Variants in INO80 observed in about 807,000 individuals in gnomAD.
INO80 encodes the protein chromatin-remodeling ATPase INO80.
INO80 carries 20 observed loss-of-function variants against 203.4 expected under a neutral mutation model. That is an observed-to-expected ratio of 0.10 (90% CI 0.07 to 0.14). INO80 has a LOEUF of 0.14. Among genes scored for constraint, INO80 ranks in the 10% least tolerant of loss-of-function variants. The probability of loss-of-function intolerance (pLI) is 1.00; values close to 1 mark genes in which losing one functional copy is unlikely to be tolerated. For synonymous variants in INO80, 726 were observed against 685.2 expected, an observed-to-expected ratio of 1.06 and a Z score of -0.93; for missense variants, 1,419 against 1,914.4, an observed-to-expected ratio of 0.74 and a Z score of 4.83.
rs139037556 is a variant in INO80, at chr15:41,080,309, T to G, written c.928-405A>C. On this transcript the variant is annotated intron_variant, in intron 8 of 35. Transcript: ENST00000648947. The stretch of plus-strand genomic sequence containing the variant: ...GAAATTGGCATTACCATCACCCTCA[T>G]TTATAAATGAGGAAACACAGTTGAA... Among the ~76,000 whole-genome samples, 64 of 152,308 alleles carry G rather than the reference T, an allele frequency of 4.2e-4. No individual in the cohort carries two copies. The East Asian group carries it at 0.011, about 27-fold the overall frequency.
In INO80 at chr15:41,064,898, G is replaced by A. The variant is rs138223751; in HGVS notation, c.1782+4672C>T. Among the ~76,000 whole-genome samples, 236 of 152,226 alleles carry A rather than the reference G, an allele frequency of 1.6e-3. 1 individual carries two copies. The highest frequency in any genetic ancestry group is 3.1e-3 in the Non-Finnish European group (210 of 68,020). ...TGTAGTCCCAGTTACACGGGAGCTT[G>A]AGGCAGAAGAACTGCTTGAACCCGG... On this transcript the variant is annotated intron_variant, in intron 14 of 35. Transcript: ENST00000648947.
At chr15:41,061,450 C>CAAAAAAAAAAA (rs980593225) in intron 14 of INO80, among the ~76,000 whole-genome samples, 52 of 66,756 alleles carry the variant, frequency 7.8e-4, no homozygotes, top group African/African-American at 1.1e-3. Context: ...ACCAAAAATA[C>CAAAAAAAAAAA]AAAAAAAAAA....
chr15:41,062,372 C>A (rs866928321), intron 14 of INO80, among the ~76,000 whole-genome samples: 1 of 151,888 alleles, frequency 6.6e-6, no homozygotes, highest in African/African-American at 2.4e-5. Context: ...GAGGCTGAGG[C>A]GGATGGATCA....
intron 7 of INO80, among the ~76,000 whole-genome samples, chr15:41,083,674 C>G (rs1006771029): frequency 1.4e-5 from 2 of 147,320 alleles, no homozygotes; most frequent in African/African-American, 5.1e-5. Flanking sequence ...AGATCACACA[C>G]CTGTACTCCA....
chr15:41,115,807 C>T (rs540876580), intron 1 of INO80, among the ~76,000 whole-genome samples, 166 bp downstream of exon 1: 1 of 152,322 alleles, frequency 6.6e-6, no homozygotes, highest in South Asian at 2.1e-4. Context: ...AGGTCCCAAC[C>T]CTGCGGGGAG....
Position 41,020,922 on chromosome 15 carries a change from G to C in INO80, c.3252C>G (p.Gly1084=). ...GGLWSIRPQN[G]WSFIRIPGKE... is the part of the protein sequence containing the mutation. ...CACCTGGAATCCTGATGAAAGACCA[G>C]CCATTCTGAGGTCTGATGCTCCACA... Residue 1084 remains glycine (G), a synonymous_variant, in exon 26 of 36, where the codon GGC becomes GGG. Transcript: ENST00000648947. 6.2e-7 allele frequency: 1 copy of C among 1,612,340 alleles called. No individual in the cohort carries two copies. Among genetic ancestry groups the C allele is most frequent in the South Asian group, 1.1e-5 (1 of 91,040 alleles).
chr15:41,010,004 T>TA (rs561999711), intron 27 of INO80, among the ~76,000 whole-genome samples: 323 of 151,360 alleles, frequency 2.1e-3, no homozygotes, highest in African/African-American at 7.3e-3. Flanking sequence ...TCCTGACTGA[T>TA]AAAGAGTGGC....
At position 41,095,308 on chromosome 15, in the gene INO80, T is replaced by C. The variant is rs188442139; in HGVS notation, c.381+293A>G. Among the ~76,000 whole-genome samples, 11 of 152,332 alleles carry C rather than the reference T, an allele frequency of 7.2e-5. No homozygotes were observed. In the East Asian group the frequency reaches 2.1e-3, roughly 29 times the overall value. ...GTGAGCTGAGATCATGCCATTGCACTCCAGCTTGGGCAACAAGAGCAAAAT... is the reference window on the plus strand; with the variant it reads ...GTGAGCTGAGATCATGCCATTGCACCCCAGCTTGGGCAACAAGAGCAAAAT... On this transcript the variant is annotated intron_variant, in intron 4 of 35. Transcript: ENST00000648947.
intron 26 of INO80, among the ~76,000 whole-genome samples, chr15:41,019,916 C>A (rs990289109): frequency 6.6e-6 from 1 of 152,184 alleles, no homozygotes; most frequent in Non-Finnish European, 1.5e-5. Flanking sequence ...ATTTCCATTA[C>A]ATGCCAGTAA....
intron 24 of INO80, among the ~76,000 whole-genome samples, chr15:41,037,490 C>G (rs2044597442): frequency 1.3e-5 from 2 of 151,482 alleles, no homozygotes; most frequent in Middle Eastern, 3.4e-3. Context: ...GGCAATAGAG[C>G]AAGACTCCAT....
intron 29 of INO80, 110 bp from the exon 30 acceptor site, chr15:40,988,084 C>T: frequency 7.2e-6 from 6 of 834,782 alleles, no homozygotes; most frequent in East Asian, 2.5e-5. Context: ...GGGTCTGATT[C>T]GTTTCTATGA....
chr15:40,998,960 G>A (rs963136386), intron 28 of INO80, among the ~76,000 whole-genome samples: 1 of 141,560 alleles, frequency 7.1e-6, no homozygotes, highest in African/African-American at 2.8e-5. Flanking sequence ...CGGCAGAACA[G>A]GCTTTTGACT....
chr15:40,985,971 A>T (rs981989656), intron 31 of INO80, among the ~76,000 whole-genome samples: 25 of 152,112 alleles, frequency 1.6e-4, no homozygotes, highest in African/African-American at 5.8e-4. Context: ...TCAGCCTTTT[A>T]ATCTCTGCTT....
At chr15:41,015,832 A>G (rs2044196740) in intron 27 of INO80, among the ~76,000 whole-genome samples, 1 of 149,806 alleles carries the variant, frequency 6.7e-6, no homozygotes, top group African/African-American at 2.5e-5. Context: ...CTGTAATCCC[A>G]GCTACTCGGG....
chr15:41,082,024 T>C (rs1043268933), intron 7 of INO80, among the ~76,000 whole-genome samples: 2 of 149,374 alleles, frequency 1.3e-5, no homozygotes, highest in African/African-American at 5.0e-5. Context: ...CCGAGGCGGG[T>C]GGATCACTTG....
chr15:41,089,711 C>T (rs2045607385), intron 5 of INO80, among the ~76,000 whole-genome samples: 1 of 150,184 alleles, frequency 6.7e-6, no homozygotes, highest in South Asian at 2.1e-4. Context: ...CCATTGCACT[C>T]GAGCCTGGGC....
chr15:40,990,369 T>C (rs549900382), intron 29 of INO80, among the ~76,000 whole-genome samples: 85 of 151,900 alleles, frequency 5.6e-4, no homozygotes, highest in African/African-American at 2.1e-3. Flanking sequence ...TGTCTCTCTT[T>C]TTCTTTTCTG....
intron 5 of INO80, among the ~76,000 whole-genome samples, chr15:41,089,280 G>C (rs917235581): frequency 1.3e-5 from 2 of 152,142 alleles, no homozygotes; most frequent in African/African-American, 2.4e-5. Context: ...AAGAAGGAAG[G>C]AACTTTTTAC....
intron 7 of INO80, among the ~76,000 whole-genome samples, chr15:41,081,360 T>G (rs2045481954): frequency 6.6e-6 from 1 of 152,116 alleles, no homozygotes; most frequent in Non-Finnish European, 1.5e-5. Context: ...ACTAGAAAAA[T>G]GTTACAATAC....
Sources: gnomAD v4.1 joint callset for allele counts (sites outside exome capture counted in the v4.1 genomes callset) on GRCh38, gnomAD v4.1.1 for gene constraint, MANE v1.5 for transcripts, NCBI Gene and HGNC (gene_info 2026-07-23, HGNC 2026-07-21) for gene names.